CDK13: variants seen among roughly 807,000 people sequenced by gnomAD.
The protein encoded by CDK13 is cyclin-dependent kinase 13.
A neutral mutation model predicts 137.6 loss-of-function variants in CDK13; 40 were observed. The observed-to-expected ratio is 0.29, with a 90% CI of 0.23 to 0.38. The LOEUF (loss-of-function observed/expected upper bound fraction) is 0.38, where lower values mean the gene tolerates loss of function less well. CDK13 is among the 10% of genes least tolerant of loss of function. The pLI is 1.00. For synonymous variants in CDK13, 869 were observed against 760.1 expected, an observed-to-expected ratio of 1.14 and a Z score of -2.36; for missense variants, 1,704 against 1,951.8, an observed-to-expected ratio of 0.87 and a Z score of 2.39.
At chr7:39,958,676 G>A (rs901103575) in intron 1 of CDK13, among the ~76,000 whole-genome samples, 1 of 151,682 alleles carries the variant, frequency 6.6e-6, no homozygotes, top group Non-Finnish European at 1.5e-5. Context: ...AATCCACTTT[G>A]ATAAATTCTT....
intron 1 of CDK13, among the ~76,000 whole-genome samples, chr7:39,966,298 T>G (rs1478928536): frequency 6.6e-6 from 1 of 152,214 alleles, no homozygotes; most frequent in Non-Finnish European, 1.5e-5. Flanking sequence ...TCCATATTTC[T>G]TGGAGGCTTT....
chr7:40,029,490 G>A (rs749729360), intron 5 of CDK13, among the ~76,000 whole-genome samples: 10 of 151,736 alleles, frequency 6.6e-5, no homozygotes, highest in Non-Finnish European at 1.5e-4. Context: ...GGGAGGCTGA[G>A]GTGGGCGGAT....
chr7:40,020,841 C>A (rs1418293200), intron 5 of CDK13, among the ~76,000 whole-genome samples: 1 of 151,940 alleles, frequency 6.6e-6, no homozygotes, highest in Non-Finnish European at 1.5e-5. Context: ...GCCCATAATC[C>A]CAGCACTTTG....
chr7:40,080,806 T>C (rs1217133911), intron 11 of CDK13, among the ~76,000 whole-genome samples: 1 of 152,218 alleles, frequency 6.6e-6, no homozygotes, highest in African/African-American at 2.4e-5. Flanking sequence ...TTTATCACTG[T>C]CTACTTTTTT....
intron 5 of CDK13, among the ~76,000 whole-genome samples, chr7:40,044,580 A>G (rs1160906858): frequency 6.6e-6 from 1 of 152,024 alleles, no homozygotes; most frequent in African/African-American, 2.4e-5. Context: ...CAGCCTCCCA[A>G]AGTGCTGGGA....
At chr7:39,963,832 A>G (rs911082443) in intron 1 of CDK13, among the ~76,000 whole-genome samples, 1 of 152,114 alleles carries the variant, frequency 6.6e-6, no homozygotes, top group African/African-American at 2.4e-5. Flanking sequence ...AGCATGAAGC[A>G]TTGTTGAATT....
intron 9 of CDK13, chr7:40,071,889 C>T (rs2150532413): frequency 6.6e-6 from 1 of 152,210 alleles, no homozygotes; most frequent in African/African-American, 2.4e-5. Flanking sequence ...CTGGAAAATA[C>T]CCAAGTTTGG....
intron 4 of CDK13, 69 bp from the exon 5 acceptor site, chr7:40,001,792 T>C (rs1048602176): frequency 5.2e-5 from 51 of 983,442 alleles, no homozygotes; most frequent in Non-Finnish European, 7.9e-5. Context: ...TTAAAATACA[T>C]TTAAAGTTAA....
intron 5 of CDK13, among the ~76,000 whole-genome samples, chr7:40,032,019 G>A (rs1230422214): frequency 1.3e-5 from 2 of 151,730 alleles, no homozygotes; most frequent in African/African-American, 4.8e-5. Flanking sequence ...TTGTCTTTTC[G>A]TTTTCTTAGC....
intron 5 of CDK13, among the ~76,000 whole-genome samples, chr7:40,017,642 A>G (rs373683012): frequency 7.2e-5 from 11 of 151,998 alleles, no homozygotes; most frequent in African/African-American, 2.4e-4. Context: ...TATGTGTTTC[A>G]TATGTCAGAT....
At chr7:40,049,872 A>G (rs745646339) in intron 7 of CDK13, among the ~76,000 whole-genome samples, 2 of 152,156 alleles carry the variant, frequency 1.3e-5, no homozygotes, top group Non-Finnish European at 2.9e-5. Context: ...ACTTAACACA[A>G]TGCGCTTCAC....
Position 40,064,957 on chromosome 7 carries a change from A to AT in CDK13, c.2780+1891dup, listed in dbSNP as rs56710188. Among the ~76,000 whole-genome samples the AT allele has an allele frequency of 5.7e-3, 265 of 46,144 alleles. 9 individuals are homozygous for AT. Among genetic ancestry groups the AT allele is most frequent in the Non-Finnish European group, 7.3e-3 (184 of 25,182 alleles). 30.3% of individuals were successfully genotyped at this position (46,144 alleles called of 152,430 possible). On this transcript the variant is annotated intron_variant, in intron 9 of 13. Transcript: ENST00000181839. The stretch of plus-strand genomic sequence containing the variant: ...CAGGCATGCACCACCATGCTGGGTG[A>AT]TTTTTTTTTTTTTTTTTTTTTTTTT...
chr7:40,094,489 G>T lies in CDK13; in HGVS notation c.4048G>T (p.Val1350Phe), dbSNP rs774513702. ...CTCTTCTTTCTCTTCTGCTCCTTATGTTAGCAATGATGGTCTAGGAAGCAG... is the reference window on the plus strand; with the variant it reads ...CTCTTCTTTCTCTTCTGCTCCTTATTTTAGCAATGATGGTCTAGGAAGCAG... ...GSSSFSSAPY[V>F]SNDGLGSSSA... is the part of the protein sequence containing the mutation. Residue 1350 changes from valine to phenylalanine, a missense_variant, in exon 14 of 14, where the codon GTT becomes TTT. By Grantham distance (50) the Val-to-Phe change is conservative. Transcript: ENST00000181839. 24 of 1,613,438 alleles carry T rather than the reference G, an allele frequency of 1.5e-5. No individual in the cohort carries two copies. In the East Asian group the frequency reaches 4.0e-4, roughly 27 times the overall value.
chr7:39,989,907 C>T (rs899003970), intron 2 of CDK13, among the ~76,000 whole-genome samples: 3 of 150,952 alleles, frequency 2.0e-5, no homozygotes, highest in African/African-American at 7.3e-5. Context: ...CTCAGCCTCC[C>T]GAGTAGGTGG....
chr7:39,968,209 T>C (rs1436344343), intron 1 of CDK13, among the ~76,000 whole-genome samples: 2 of 152,238 alleles, frequency 1.3e-5, no homozygotes, highest in Non-Finnish European at 2.9e-5. Flanking sequence ...ATTGTTTCCT[T>C]TGCTTTGCAG....
At chr7:40,039,394 A>C (rs1280099683) in intron 5 of CDK13, among the ~76,000 whole-genome samples, 1 of 146,664 alleles carries the variant, frequency 6.8e-6, no homozygotes, top group Non-Finnish European at 1.5e-5. Context: ...CAGCCTCCCA[A>C]GTAGCCAGGA....
chr7:39,988,398 T>C (rs1306596501), intron 2 of CDK13, 140 bp downstream of exon 2: 1 of 606,742 alleles, frequency 1.6e-6, no homozygotes, highest in African/African-American at 1.9e-5. Flanking sequence ...CTTGATTATA[T>C]GCATCTTAAA....
At position 40,030,547 on chromosome 7, in the gene CDK13, C is replaced by T. The variant is rs748604789; in HGVS notation, c.2354-15289C>T. ...TCCTGAGCAGCTGGGATTACAGGTGCGCACCACCATGCCTGGCTAATTTGT... is the reference window on the plus strand; with the variant it reads ...TCCTGAGCAGCTGGGATTACAGGTGTGCACCACCATGCCTGGCTAATTTGT... On this transcript the variant is annotated intron_variant, in intron 5 of 13. Coordinates refer to ENST00000181839, the MANE Select transcript of CDK13 (RefSeq NM_003718.5). 6.7e-5 allele frequency among the ~76,000 whole-genome samples: 10 copies of T among 150,194 alleles called. No individual in the cohort carries two copies. In the South Asian group the frequency reaches 1.3e-3, roughly 19 times the overall value.
chr7:40,060,930 T>C (rs968422378), intron 7 of CDK13: 1 of 151,774 alleles, frequency 6.6e-6, no homozygotes, highest in Non-Finnish European at 1.5e-5. Context: ...TAGCCAGGAG[T>C]GGTGGCGGGT....
Sources: allele counts gnomAD v4.1 joint callset (sites outside exome capture counted in the v4.1 genomes callset), GRCh38; gene constraint gnomAD v4.1.1; transcripts MANE v1.5; gene names NCBI Gene and HGNC (gene_info 2026-07-23, HGNC 2026-07-21).